The following NRG3 variants were observed in gnomAD, a reference collection of about 807,000 sequenced individuals.
NRG3 encodes pro-neuregulin-3, membrane-bound isoform.
In NRG3, 31 loss-of-function variants were observed where a neutral mutation model predicts 66.9. That is an observed-to-expected ratio of 0.46 (90% CI 0.35 to 0.63). The LOEUF (loss-of-function observed/expected upper bound fraction) is 0.63. Among genes scored for constraint, NRG3 ranks in the 20% least tolerant of loss-of-function variants. The probability of loss-of-function intolerance (pLI) is 0.00; values close to 1 mark genes in which losing one functional copy is unlikely to be tolerated. For synonymous variants in NRG3, 393 were observed against 359.4 expected, an observed-to-expected ratio of 1.09 and a Z score of -1.06; for missense variants, 910 against 878.9, an observed-to-expected ratio of 1.04 and a Z score of -0.45.
Position 82,986,258 on chromosome 10 carries a change from A to G in NRG3, c.*653A>G, listed in dbSNP as rs371113349. 1.5e-4 allele frequency: 23 copies of G among 152,318 alleles called. No homozygotes were observed. The highest frequency in any genetic ancestry group is 5.3e-4 in the African/African-American group (22 of 41,558). The allele number at this position is 152,318 out of a possible 1,614,324, so 9.4% of individuals were successfully genotyped here. A position where few individuals can be genotyped will look rare whatever the true frequency, so the allele number is the denominator to read the frequency against. ...GGAGGTATGAAATTATTACAGAAAAAGAGACAAAAAAATCCTTATATCGTG... is the reference window on the plus strand; with the variant it reads ...GGAGGTATGAAATTATTACAGAAAAGGAGACAAAAAAATCCTTATATCGTG... On this transcript the variant is annotated 3_prime_UTR_variant, in exon 9 of 9. Transcript: ENST00000372141.
At chr10:82,402,199 T>C (rs969846763) in intron 2 of NRG3, among the ~76,000 whole-genome samples, 1 of 152,008 alleles carries the variant, frequency 6.6e-6, no homozygotes, top group African/African-American at 2.4e-5. Context: ...AAGCTGTACA[T>C]TAATTAAGAA....
intron 2 of NRG3, among the ~76,000 whole-genome samples, chr10:82,659,345 T>C (rs2052132167): frequency 1.3e-5 from 2 of 152,176 alleles, no homozygotes; most frequent in South Asian, 4.1e-4. Flanking sequence ...GCAATTTTTT[T>C]TTAAACTTTT....
Position 82,771,902 on chromosome 10 carries a change from C to G in NRG3, c.1027+33252C>G, listed in dbSNP as rs569145255. Among the ~76,000 whole-genome samples, 9 of 152,162 alleles carry G rather than the reference C, an allele frequency of 5.9e-5. No individual in the cohort carries two copies. In the East Asian group the frequency reaches 9.7e-4, roughly 16 times the overall value. ...AATTTTGGATTTACCTTTGATTTCT[C>G]CCTCTTACTTAACACTCATATTCAA... On this transcript the variant is annotated intron_variant, in intron 3 of 8. Coordinates refer to ENST00000372141, the MANE Select transcript of NRG3 (RefSeq NM_001010848.4).
At chr10:82,781,966 C>A (rs533354968) in intron 3 of NRG3, among the ~76,000 whole-genome samples, 31 of 152,102 alleles carry the variant, frequency 2.0e-4, no homozygotes, top group Non-Finnish European at 1.5e-4. Flanking sequence ...TTGCTACTTT[C>A]CACTCGTCCA....
intron 2 of NRG3, among the ~76,000 whole-genome samples, chr10:82,498,366 C>A (rs949144724): frequency 1.3e-5 from 2 of 151,952 alleles, no homozygotes; most frequent in Non-Finnish European, 2.9e-5. Flanking sequence ...TTCCACAGCA[C>A]GTTTTATATG....
chr10:82,034,859 T>C (rs557940496), intron 1 of NRG3, among the ~76,000 whole-genome samples: 1 of 152,084 alleles, frequency 6.6e-6, no homozygotes, highest in Admixed American at 6.6e-5. Context: ...CCAGAGCACC[T>C]CCTACGGTCT....
intron 2 of NRG3, among the ~76,000 whole-genome samples, chr10:82,460,308 C>A (rs892360027): frequency 6.6e-5 from 10 of 152,104 alleles, no homozygotes; most frequent in Non-Finnish European, 4.4e-5. Flanking sequence ...GCTTTGACTT[C>A]CCTTAGGCAA....
intron 6 of NRG3, among the ~76,000 whole-genome samples, chr10:82,964,817 G>C (rs2132499382): frequency 1.3e-5 from 2 of 152,280 alleles, no homozygotes; most frequent in South Asian, 4.1e-4. Flanking sequence ...CAACATTGCT[G>C]TCCAAAACTG....
intron 1 of NRG3, among the ~76,000 whole-genome samples, chr10:82,150,335 A>G: frequency 6.6e-6 from 1 of 151,838 alleles, no homozygotes; most frequent in Non-Finnish European, 1.5e-5. Context: ...CTGATAGGAG[A>G]CAGCTTCTAC....
intron 1 of NRG3, among the ~76,000 whole-genome samples, chr10:82,132,473 AT>A (rs1564593257): frequency 0.074 from 7,996 of 107,804 alleles, 1,485 homozygotes; most frequent in African/African-American, 0.2. Flanking sequence ...TATATGATAT[AT>A]ATATGATATA....
intron 2 of NRG3, among the ~76,000 whole-genome samples, chr10:82,728,724 G>T (rs535428508): frequency 5.3e-5 from 8 of 152,132 alleles, no homozygotes; most frequent in Non-Finnish European, 1.2e-4. Flanking sequence ...TCCCTTAAAC[G>T]TCAAATTCTA....
rs187178156 is a variant in NRG3 at position 82,476,378 on chromosome 10, C to G, written c.953+117510C>G. On this transcript the variant is annotated intron_variant, in intron 2 of 8. Coordinates refer to ENST00000372141, the MANE Select transcript of NRG3 (RefSeq NM_001010848.4). ...GGTATATACTCGAAATAATTGAAAG[C>G]AGGGACTTCAAGAGATATTGATACA... Among the ~76,000 whole-genome samples the G allele has an allele frequency of 5.3e-5, 8 of 152,256 alleles. No homozygotes were observed. In the East Asian group the frequency reaches 1.5e-3, roughly 29 times the overall value.
intron 2 of NRG3, among the ~76,000 whole-genome samples, chr10:82,359,648 G>A (rs550602942): frequency 2.6e-5 from 4 of 152,238 alleles, no homozygotes; most frequent in Admixed American, 6.5e-5. Context: ...TTCATTTCCA[G>A]TATTACCCTG....
intron 1 of NRG3, among the ~76,000 whole-genome samples, chr10:82,063,813 C>T (rs1226267111): frequency 2.6e-5 from 4 of 152,184 alleles, no homozygotes; most frequent in East Asian, 1.9e-4. Context: ...GAGCAAGTCC[C>T]TCCCACCATC....
chr10:82,280,832 A>T (rs2079085024), intron 1 of NRG3, among the ~76,000 whole-genome samples: 1 of 152,196 alleles, frequency 6.6e-6, no homozygotes, highest in Non-Finnish European at 1.5e-5. Flanking sequence ...AATTAACTAA[A>T]GGGAAGTTGA....
intron 2 of NRG3, among the ~76,000 whole-genome samples, chr10:82,421,302 T>C (rs2089051683): frequency 6.6e-6 from 1 of 152,094 alleles, no homozygotes; most frequent in East Asian, 1.9e-4. Context: ...ACATGCAGAA[T>C]TTGGGAAACA....
intron 3 of NRG3, among the ~76,000 whole-genome samples, chr10:82,785,264 T>G (rs1591519133): frequency 6.6e-6 from 1 of 151,636 alleles, no homozygotes; most frequent in East Asian, 1.9e-4. Flanking sequence ...AAATGACGAG[T>G]TAATGGGTGC....
intron 2 of NRG3, among the ~76,000 whole-genome samples, chr10:82,416,329 C>T (rs2088569414): frequency 6.6e-6 from 1 of 152,182 alleles, no homozygotes; most frequent in Admixed American, 6.5e-5. Flanking sequence ...ACCTGCATAG[C>T]AGGAAGACGG....
chr10:82,788,569 C>A (rs1190859221), intron 3 of NRG3, among the ~76,000 whole-genome samples: 1 of 151,082 alleles, frequency 6.6e-6, no homozygotes, highest in Non-Finnish European at 1.5e-5. Context: ...GACTCCGTCT[C>A]AAAAAAATTA....
Sources: gnomAD v4.1 joint callset for allele counts (sites outside exome capture counted in the v4.1 genomes callset) on GRCh38, gnomAD v4.1.1 for gene constraint, MANE v1.5 for transcripts, NCBI Gene and HGNC (gene_info 2026-07-23, HGNC 2026-07-21) for gene names.